TRIM2: variants seen among roughly 807,000 people sequenced by gnomAD.
TRIM2 encodes the protein tripartite motif-containing protein 2.
TRIM2 carries 20 observed loss-of-function variants against 75.2 expected under a neutral mutation model. The observed-to-expected ratio is 0.27, with a 90% CI of 0.19 to 0.39. TRIM2 has a LOEUF of 0.39. TRIM2 is among the 10% of genes least tolerant of loss of function. TRIM2 has a pLI of 1.00. For synonymous variants in TRIM2, 373 were observed against 388.3 expected (o/e 0.96, Z 0.46); for missense variants, 660 against 990.8 (o/e 0.67, Z 4.48).
At chr4:153,256,159 C>T (rs1444631682) in intron 1 of TRIM2, among the ~76,000 whole-genome samples, 1 of 152,198 alleles carries the variant, frequency 6.6e-6, no homozygotes, top group East Asian at 1.9e-4. Flanking sequence ...CACAAAACTT[C>T]TAAAATAGGG....
At position 153,240,237 on chromosome 4, in the gene TRIM2, CT is replaced by C. The variant is rs560725624; in HGVS notation, c.31-30097del. Among the ~76,000 whole-genome samples, 5 of 152,322 alleles carry C rather than the reference CT, an allele frequency of 3.3e-5. No individual in the cohort carries two copies. The South Asian group carries it at 1.0e-3, about 32-fold the overall frequency. On this transcript the variant is annotated intron_variant, in intron 1 of 11. Transcript: ENST00000338700. ...TTGGTTTAAATACAAAAGATTATCG[CT>C]GCCAAACTGTGCATAAGAATTGGTA...
At chr4:153,250,151 ACT>A (rs1046605497) in intron 1 of TRIM2, among the ~76,000 whole-genome samples, 17 of 150,202 alleles carry the variant, frequency 1.1e-4, no homozygotes, top group African/African-American at 4.2e-4. Context: ...ACAGGGCCTC[ACT>A]CTGTCACCCA....
intron 6 of TRIM2, among the ~76,000 whole-genome samples, chr4:153,312,275 T>C (rs1236027592): frequency 6.6e-6 from 1 of 152,028 alleles, no homozygotes; most frequent in Non-Finnish European, 1.5e-5. Context: ...TAGTATTCCA[T>C]GGTGTATATG....
intron 1 of TRIM2, among the ~76,000 whole-genome samples, chr4:153,266,344 G>T (rs1201304076): frequency 0.013 from 1,582 of 120,024 alleles, 24 homozygotes; most frequent in African/African-American, 0.049. Context: ...TAATTTTTGG[G>T]TTTTTTTTTT....
intron 1 of TRIM2, among the ~76,000 whole-genome samples, chr4:153,247,163 C>T (rs1404867834): frequency 6.6e-6 from 1 of 152,164 alleles, no homozygotes; most frequent in Admixed American, 6.5e-5. Flanking sequence ...CTGACCAGCA[C>T]AAAAGTCCAG....
At chr4:153,317,305 C>T (rs963334786) in intron 8 of TRIM2, among the ~76,000 whole-genome samples, 12 of 151,966 alleles carry the variant, frequency 7.9e-5, no homozygotes, top group Non-Finnish European at 1.3e-4. Flanking sequence ...ATCTGCAAAT[C>T]GTAACTTCCT....
chr4:153,182,430 C>T (rs1248166022), intron 1 of TRIM2, among the ~76,000 whole-genome samples: 1 of 152,162 alleles, frequency 6.6e-6, no homozygotes, highest in Non-Finnish European at 1.5e-5. Flanking sequence ...CAGCTCACGC[C>T]CACTGACCCC....
intron 1 of TRIM2, among the ~76,000 whole-genome samples, chr4:153,173,909 G>A (rs535679534): frequency 4.3e-4 from 66 of 152,166 alleles, no homozygotes; most frequent in African/African-American, 1.5e-3. Context: ...AGAGGTTGCA[G>A]AGCCAAGATC....
At chr4:153,227,898 A>G (rs1212901730) in intron 1 of TRIM2, among the ~76,000 whole-genome samples, 1 of 152,144 alleles carries the variant, frequency 6.6e-6, no homozygotes, top group Non-Finnish European at 1.5e-5. Flanking sequence ...GGCTGTGAAC[A>G]ATCTCCTTGC....
At chr4:153,171,684 T>G (rs934721598) in intron 1 of TRIM2, among the ~76,000 whole-genome samples, 19 of 152,184 alleles carry the variant, frequency 1.2e-4, no homozygotes, top group African/African-American at 4.6e-4. Context: ...TCAGTGACAT[T>G]TAAAATATGT....
chr4:153,308,230 T>C, intron 6 of TRIM2: 1 of 1,513,006 alleles, frequency 6.6e-7, no homozygotes. Context: ...TCCTCTGCTC[T>C]TCTACCCTTT....
chr4:153,264,498 C>T (rs1040086163), intron 1 of TRIM2, among the ~76,000 whole-genome samples: 1 of 151,992 alleles, frequency 6.6e-6, no homozygotes, highest in African/African-American at 2.4e-5. Context: ...AGTGCACTGA[C>T]TTCCACTGGT....
At position 153,259,234 on chromosome 4, in the gene TRIM2, G is replaced by T. The variant is rs1168688921; in HGVS notation, c.31-11101G>T. On this transcript the variant is annotated intron_variant, in intron 1 of 11. Coordinates refer to ENST00000338700, the MANE Select transcript of TRIM2 (RefSeq NM_015271.5). ...ATAGGTAATACTATAGTCCTGCAAT[G>T]ACTTAATTTTTTTTTATTATAACAA... Among the ~76,000 whole-genome samples, 3 of 152,120 alleles carry T rather than the reference G, an allele frequency of 2.0e-5. No individual in the cohort carries two copies. The East Asian group carries it at 5.8e-4, about 29-fold the overall frequency.
intron 6 of TRIM2, among the ~76,000 whole-genome samples, chr4:153,304,731 T>C (rs917284215): frequency 1.3e-5 from 2 of 152,158 alleles, no homozygotes; most frequent in African/African-American, 4.8e-5. Context: ...ATCTCTGAAT[T>C]CCAAACTGCT....
At chr4:153,292,473 G>T (rs996782965) in intron 3 of TRIM2, among the ~76,000 whole-genome samples, 2 of 151,658 alleles carry the variant, frequency 1.3e-5, no homozygotes, top group Non-Finnish European at 2.9e-5. Context: ...AAAATTTTTT[G>T]TAGAGACAGA....
chr4:153,260,696 C>CACACACACACACA lies in TRIM2; in HGVS notation c.31-9639_31-9638insACACACACACACA, dbSNP rs1560902840. Among the ~76,000 whole-genome samples the CACACACACACACA allele has an allele frequency of 5.2e-3, 300 of 58,058 alleles. 24 individuals are homozygous for CACACACACACACA. The highest frequency in any genetic ancestry group is 0.016 in the African/African-American group (285 of 17,322). The allele number at this position is 58,058 out of a possible 152,430, so 38.1% of individuals were successfully genotyped here. A position where few individuals can be genotyped will look rare whatever the true frequency, so the allele number is the denominator to read the frequency against. On this transcript the variant is annotated intron_variant, in intron 1 of 11. Coordinates refer to ENST00000338700, the MANE Select transcript of TRIM2 (RefSeq NM_015271.5). ...CACACCCACCCACACACCCACCCCC[C>CACACACACACACA]CCCCCACACACACACACACACACAC...
At chr4:153,266,461 G>A (rs1447526997) in intron 1 of TRIM2, among the ~76,000 whole-genome samples, 1 of 150,764 alleles carries the variant, frequency 6.6e-6, no homozygotes, top group Non-Finnish European at 1.5e-5. Flanking sequence ...TCCTGCCACA[G>A]CCTCCTGAGT....
chr4:153,213,812 C>T (rs1271026258), intron 1 of TRIM2, among the ~76,000 whole-genome samples: 1 of 152,182 alleles, frequency 6.6e-6, no homozygotes, highest in Non-Finnish European at 1.5e-5. Flanking sequence ...AGGTGTGAAC[C>T]ACTGTGCCTG....
intron 1 of TRIM2, among the ~76,000 whole-genome samples, chr4:153,244,411 C>CTTCTTT (rs1748339351): frequency 1.1e-5 from 1 of 89,766 alleles, no homozygotes; most frequent in Non-Finnish European, 2.0e-5. Flanking sequence ...TCTTCTTCTT[C>CTTCTTT]TTCTTCTTCT....
Sources: gnomAD v4.1 joint callset for allele counts (sites outside exome capture counted in the v4.1 genomes callset) on GRCh38, gnomAD v4.1.1 for gene constraint, MANE v1.5 for transcripts, NCBI Gene and HGNC (gene_info 2026-07-23, HGNC 2026-07-21) for gene names.